Variants in WASHC3 observed in about 807,000 individuals in gnomAD.
WASHC3 encodes WASH complex subunit CCDC53.
WASHC3 carries 24 observed loss-of-function variants against 26.1 expected under a neutral mutation model. That is an observed-to-expected ratio of 0.92 (90% CI 0.66 to 1.29). The LOEUF (loss-of-function observed/expected upper bound fraction) is 1.29. Among genes scored for constraint, WASHC3 ranks in the 50% most tolerant of loss-of-function variants. The pLI, the probability that WASHC3 is intolerant of heterozygous loss-of-function variation, is 0.00. For synonymous variants in WASHC3, 77 were observed against 75.7 expected (o/e 1.02, Z -0.09); for missense variants, 214 against 229.6 (o/e 0.93, Z 0.44).
chr12:102,036,592 G>A (rs1877673488), intron 5 of WASHC3, among the ~76,000 whole-genome samples: 1 of 152,046 alleles, frequency 6.6e-6, no homozygotes, highest in African/African-American at 2.4e-5. Flanking sequence ...CAACTTTAAT[G>A]ACTAAGAGGC....
At chr12:102,050,673 A>T (rs1324870361) in intron 2 of WASHC3, 3 of 425,520 alleles carry the variant, frequency 7.1e-6, no homozygotes, top group Admixed American at 2.8e-5. Context: ...AAAAATTATT[A>T]AACAAACAAA....
chr12:102,020,814 G>A lies in WASHC3; in HGVS notation c.500+5160C>T, dbSNP rs1876923172. Among the ~76,000 whole-genome samples, 4 of 152,340 alleles carry A rather than the reference G, an allele frequency of 2.6e-5. No homozygotes were observed. The South Asian group carries it at 8.3e-4, about 32-fold the overall frequency. On this transcript the variant is annotated intron_variant, in intron 6 of 6. Coordinates refer to ENST00000240079, the MANE Select transcript of WASHC3 (RefSeq NM_016053.4). ...GGTCTTAAGAGAGTCAGGCGTGGTG[G>A]CTCACACCTGTAATCCCAGCACTTT...
chr12:102,038,526 T>G (rs990413685), intron 5 of WASHC3, among the ~76,000 whole-genome samples: 1 of 151,980 alleles, frequency 6.6e-6, no homozygotes, highest in Non-Finnish European at 1.5e-5. Flanking sequence ...TGAAATAGTT[T>G]TTGTTGTTGT....
Position 102,017,735 on chromosome 12 carries a change from G to T in WASHC3, c.501-4543C>A. The T allele has an allele frequency of 4.8e-6, 2 of 412,806 alleles. 1 individual carries two copies. The highest frequency in any genetic ancestry group is 3.6e-5 in the South Asian group (2 of 55,530). 25.6% of individuals were successfully genotyped at this position (412,806 alleles called of 1,614,324 possible). On this transcript the variant is annotated intron_variant, in intron 6 of 6. Coordinates refer to ENST00000240079, the MANE Select transcript of WASHC3 (RefSeq NM_016053.4). ...ACATTTGTACCTGCAATGTATGAGGGTTCCAATTTCTCCACACCGTCAGCA... is the reference window on the plus strand; with the variant it reads ...ACATTTGTACCTGCAATGTATGAGGTTTCCAATTTCTCCACACCGTCAGCA...
chr12:102,029,205 C>G (rs1179955762), intron 5 of WASHC3, among the ~76,000 whole-genome samples: 3 of 152,048 alleles, frequency 2.0e-5, no homozygotes, highest in African/African-American at 4.8e-5. Context: ...TGTTAAACAC[C>G]AAAAAGAAGT....
chr12:102,039,164 G>T (rs1392598701), intron 5 of WASHC3, among the ~76,000 whole-genome samples: 1 of 143,270 alleles, frequency 7.0e-6, no homozygotes, highest in African/African-American at 2.6e-5. Flanking sequence ...TGTAGAAGTA[G>T]GTGGTCTTGC....
At chr12:102,054,052 T>C (rs938947694) in intron 2 of WASHC3, among the ~76,000 whole-genome samples, 1 of 152,126 alleles carries the variant, frequency 6.6e-6, no homozygotes, top group Non-Finnish European at 1.5e-5. Flanking sequence ...GTCAGCCTCA[T>C]GGGAACAACA....
intron 6 of WASHC3, among the ~76,000 whole-genome samples, chr12:102,018,291 T>C (rs577340205): frequency 6.6e-6 from 1 of 152,338 alleles, no homozygotes; most frequent in South Asian, 2.1e-4. Flanking sequence ...AAATATCTCT[T>C]TGAGACTCTG....
intron 2 of WASHC3, among the ~76,000 whole-genome samples, chr12:102,057,361 A>G (rs1270289526): frequency 1.3e-5 from 2 of 152,178 alleles, no homozygotes; most frequent in Non-Finnish European, 2.9e-5. Flanking sequence ...GGGACAAGAC[A>G]AGGATATTCA....
At chr12:102,058,308 T>A (rs1309836149) in intron 2 of WASHC3, among the ~76,000 whole-genome samples, 2 of 152,072 alleles carry the variant, frequency 1.3e-5, no homozygotes, top group Non-Finnish European at 2.9e-5. Context: ...ACTGTAAAAC[T>A]ACTAGAAGAA....
In WASHC3 at chr12:102,022,006, G is replaced by T. The variant is rs1014075146; in HGVS notation, c.500+3968C>A. ...GTCTTTTGGATAGATATATCCAGGA[G>T]AAATGCCAACTGAGCTGGTTCTGTT... On this transcript the variant is annotated intron_variant, in intron 6 of 6. Coordinates refer to ENST00000240079, the MANE Select transcript of WASHC3 (RefSeq NM_016053.4). Among the ~76,000 whole-genome samples the T allele has an allele frequency of 4.6e-5, 7 of 152,276 alleles. No homozygotes were observed. The East Asian group carries it at 1.3e-3, about 29-fold the overall frequency.
At chr12:102,015,903 T>G (rs914179040) in intron 6 of WASHC3, among the ~76,000 whole-genome samples, 1 of 152,244 alleles carries the variant, frequency 6.6e-6, no homozygotes, top group Non-Finnish European at 1.5e-5. Context: ...TATTTTATTT[T>G]ATTTGACCAG....
intron 2 of WASHC3, chr12:102,050,745 C>A: frequency 2.7e-6 from 1 of 366,902 alleles, no homozygotes; most frequent in Non-Finnish European, 5.4e-6. Context: ...CTTTAAAATT[C>A]ACTATAAGGT....
intron 5 of WASHC3, 55 bp from the exon 6 acceptor site, chr12:102,026,093 G>A (rs530152049): frequency 1.1e-5 from 10 of 942,372 alleles, no homozygotes; most frequent in South Asian, 4.6e-5. Context: ...TTTATATGTC[G>A]ACACATACCA....
Position 102,025,985 on chromosome 12 carries a change from T to C in WASHC3, c.489A>G (p.Pro163=). 1 of 1,505,970 alleles carries C rather than the reference T, an allele frequency of 6.6e-7. No individual in the cohort carries two copies. The highest frequency in any genetic ancestry group is 9.1e-7 in the Non-Finnish European group (1 of 1,100,976). The allele number at this position is 1,505,970 out of a possible 1,614,324, so 93.3% of individuals were successfully genotyped here. Residue 163 remains proline, a synonymous_variant, in exon 6 of 7, where the codon CCA becomes CCG. Coordinates refer to ENST00000240079, the MANE Select transcript of WASHC3 (RefSeq NM_016053.4). ...RNKMISEGLD[P]DLLERPDAPV... ...GAAGAATTACTTACTCAAGAAGATCTGGGTCTAGTCCTTCTGATATCATTT... is the reference window on the plus strand; with the variant it reads ...GAAGAATTACTTACTCAAGAAGATCCGGGTCTAGTCCTTCTGATATCATTT...
At chr12:102,034,266 C>T (rs1335749887) in intron 5 of WASHC3, among the ~76,000 whole-genome samples, 2 of 152,052 alleles carry the variant, frequency 1.3e-5, no homozygotes, top group African/African-American at 4.8e-5. Context: ...GGCATATCAC[C>T]ATCCTGAGGT....
chr12:102,047,460 G>T (rs1284225158), intron 2 of WASHC3, among the ~76,000 whole-genome samples: 8 of 152,100 alleles, frequency 5.3e-5, no homozygotes, highest in Non-Finnish European at 8.8e-5. Context: ...AGTTTTCATG[G>T]TATCAAAGCT....
intron 5 of WASHC3, among the ~76,000 whole-genome samples, chr12:102,028,671 G>T (rs1877300867): frequency 6.6e-6 from 1 of 151,782 alleles, no homozygotes; most frequent in Non-Finnish European, 1.5e-5. Flanking sequence ...TGCGTGGGAA[G>T]GGAGGAATGG....
At chr12:102,045,244 G>A (rs1437259767) in intron 3 of WASHC3, among the ~76,000 whole-genome samples, 1 of 152,092 alleles carries the variant, frequency 6.6e-6, no homozygotes, top group Non-Finnish European at 1.5e-5. Flanking sequence ...TCTTGAACAT[G>A]TTCAAGACCG....
Sources: allele counts gnomAD v4.1 joint callset (sites outside exome capture counted in the v4.1 genomes callset), GRCh38; gene constraint gnomAD v4.1.1; transcripts MANE v1.5; gene names NCBI Gene and HGNC (gene_info 2026-07-23, HGNC 2026-07-21).